The following WWOX variants were observed in gnomAD, a reference collection of about 807,000 sequenced individuals.
The protein encoded by WWOX is WW domain containing oxidoreductase.
Under a neutral mutation model 46.2 loss-of-function variants are expected in WWOX, and 69 were observed. That is an observed-to-expected ratio of 1.49 (90% CI 1.23 to 1.82). WWOX has a LOEUF of 1.82. WWOX is among the 40% of genes most tolerant of loss of function. The probability of loss-of-function intolerance (pLI) is 0.00; values close to 1 mark genes in which losing one functional copy is unlikely to be tolerated. For synonymous variants in WWOX, 359 were observed against 202.6 expected (o/e 1.77, Z -6.56); for missense variants, 919 against 542.6 (o/e 1.69, Z -6.89).
chr16:78,745,077 G>T (rs963114106), intron 8 of WWOX, among the ~76,000 whole-genome samples: 3 of 152,056 alleles, frequency 2.0e-5, no homozygotes, highest in African/African-American at 7.2e-5. Context: ...AAGAAATGGA[G>T]ATCTCAAGAG....
At chr16:78,855,628 G>C (rs944907998) in intron 8 of WWOX, among the ~76,000 whole-genome samples, 2 of 152,194 alleles carry the variant, frequency 1.3e-5, no homozygotes, top group South Asian at 4.1e-4. Flanking sequence ...GCTAACCGAA[G>C]AGGGAAGACA....
chr16:79,168,145 G>A (rs982180743), intron 8 of WWOX, among the ~76,000 whole-genome samples: 8 of 152,188 alleles, frequency 5.3e-5, no homozygotes, highest in African/African-American at 1.7e-4. Context: ...TGGACATTTG[G>A]GTTGTTTCCG....
At chr16:78,391,587 C>G (rs766227953) in intron 6 of WWOX, among the ~76,000 whole-genome samples, 1 of 152,214 alleles carries the variant, frequency 6.6e-6, no homozygotes, top group Non-Finnish European at 1.5e-5. Context: ...GTGGCTCACA[C>G]ATGTAATCCC....
intron 5 of WWOX, among the ~76,000 whole-genome samples, chr16:78,236,316 A>G (rs751888441): frequency 2.6e-5 from 4 of 152,220 alleles, no homozygotes; most frequent in Non-Finnish European, 5.9e-5. Flanking sequence ...GCCTCCTTAT[A>G]CATACTTACA....
intron 8 of WWOX, among the ~76,000 whole-genome samples, chr16:78,761,578 A>T (rs1283669500): frequency 2.0e-5 from 3 of 151,646 alleles, no homozygotes; most frequent in Non-Finnish European, 2.9e-5. Flanking sequence ...TCTTGACCTC[A>T]GGACTCTCGC....
At chr16:78,971,292 C>T (rs1371838530) in intron 8 of WWOX, among the ~76,000 whole-genome samples, 5 of 151,602 alleles carry the variant, frequency 3.3e-5, no homozygotes, top group Non-Finnish European at 7.4e-5. Context: ...GGTGAAATCC[C>T]ATCTCTACTA....
At chr16:78,305,860 TC>T (rs1386341583) in intron 5 of WWOX, among the ~76,000 whole-genome samples, 2 of 152,174 alleles carry the variant, frequency 1.3e-5, no homozygotes, top group Admixed American at 6.5e-5. Flanking sequence ...TCTCATTTTT[TC>T]TTTTTCTTTT....
intron 8 of WWOX, among the ~76,000 whole-genome samples, chr16:78,508,254 T>G (rs2085266738): frequency 6.7e-6 from 1 of 149,256 alleles, no homozygotes; most frequent in South Asian, 2.2e-4. Context: ...CAGGTGATCC[T>G]CCTGCCTCAG....
At chr16:78,781,123 A>T (rs1477284314) in intron 8 of WWOX, among the ~76,000 whole-genome samples, 3 of 152,202 alleles carry the variant, frequency 2.0e-5, no homozygotes, top group Non-Finnish European at 2.9e-5. Context: ...GTTGTTTCTG[A>T]CAGGTAAATC....
At chr16:79,211,555 C>T (rs996805094) in intron 8 of WWOX, 53 bp from the exon 9 acceptor site, 1 of 1,612,054 alleles carries the variant, frequency 6.2e-7, no homozygotes, top group Non-Finnish European at 8.5e-7. Flanking sequence ...ATGACGCCAT[C>T]TCATCACTCC....
intron 8 of WWOX, among the ~76,000 whole-genome samples, chr16:79,127,783 G>C (rs956420372): frequency 6.6e-6 from 1 of 152,188 alleles, no homozygotes; most frequent in Non-Finnish European, 1.5e-5. Flanking sequence ...TTGTAGCTGG[G>C]TGGAGGGGTG....
At chr16:78,662,059 A>G (rs1408638132) in intron 8 of WWOX, among the ~76,000 whole-genome samples, 1 of 152,030 alleles carries the variant, frequency 6.6e-6, no homozygotes, top group Non-Finnish European at 1.5e-5. Context: ...AATGATAATA[A>G]TTGTAGTAGT....
At chr16:78,440,316 C>T (rs772307676) in intron 8 of WWOX, among the ~76,000 whole-genome samples, 5 of 152,180 alleles carry the variant, frequency 3.3e-5, no homozygotes, top group Non-Finnish European at 7.3e-5. Context: ...TGGCTCCATG[C>T]TCTTTCTTTC....
intron 7 of WWOX, among the ~76,000 whole-genome samples, chr16:78,427,088 C>T (rs181206166): frequency 5.3e-5 from 8 of 152,258 alleles, no homozygotes; most frequent in East Asian, 3.9e-4. Flanking sequence ...GTAGGTGGTA[C>T]GTGAAGACAG....
chr16:78,238,472 G>C (rs2037516183), intron 5 of WWOX, among the ~76,000 whole-genome samples: 2 of 151,578 alleles, frequency 1.3e-5, no homozygotes, highest in African/African-American at 4.9e-5. Flanking sequence ...GCCAATTTTT[G>C]TGTCTTTGTA....
chr16:78,825,730 T>C lies in WWOX; in HGVS notation c.1057-385878T>C, dbSNP rs1448663004. On this transcript the variant is annotated intron_variant, in intron 8 of 8. Coordinates refer to ENST00000566780, the MANE Select transcript of WWOX (RefSeq NM_016373.4). ...GGACAGAGGGTCAAATCCATGAGTT[T>C]GTGGATGGCCTGATGATCCCCAGCG... is the stretch of plus-strand genomic sequence containing the variant. The C allele has an allele frequency of 8.7e-6, 5 of 575,826 alleles. 1 individual carries two copies. The highest frequency in any genetic ancestry group is 3.3e-5 in the South Asian group (2 of 60,134). The allele number at this position is 575,826 out of a possible 1,614,324, so 35.7% of individuals were successfully genotyped here.
chr16:78,164,310 G>C, intron 5 of WWOX, 21 bp downstream of exon 5: 1 of 1,598,736 alleles, frequency 6.3e-7, no homozygotes, highest in Non-Finnish European at 8.6e-7. Flanking sequence ...GACTGTTGTT[G>C]TTTTTTTTAA....
chr16:79,184,293 A>G (rs1191910032), intron 8 of WWOX, among the ~76,000 whole-genome samples: 1 of 152,304 alleles, frequency 6.6e-6, no homozygotes, highest in East Asian at 1.9e-4. Context: ...TCTTTGCACA[A>G]AGAGCCTACC....
chr16:78,990,943 C>G (rs566927694), intron 8 of WWOX, among the ~76,000 whole-genome samples: 4 of 152,174 alleles, frequency 2.6e-5, no homozygotes, highest in African/African-American at 9.6e-5. Context: ...AAAGAAGAAC[C>G]GACCTCCAGG....
Sources: gnomAD v4.1 joint callset for allele counts (sites outside exome capture counted in the v4.1 genomes callset) on GRCh38, gnomAD v4.1.1 for gene constraint, MANE v1.5 for transcripts, NCBI Gene and HGNC (gene_info 2026-07-23, HGNC 2026-07-21) for gene names.